Variants in ARHGAP25 observed in about 807,000 individuals in gnomAD.
ARHGAP25 encodes Rho GTPase activating protein 25, also known as rho GTPase-activating protein 25.
ARHGAP25 carries 34 observed loss-of-function variants against 71.0 expected under a neutral mutation model. That is an observed-to-expected ratio of 0.48 (90% CI 0.36 to 0.64). The LOEUF (loss-of-function observed/expected upper bound fraction) is 0.64. ARHGAP25 is among the 30% of genes least tolerant of loss of function. ARHGAP25 has a pLI of 0.00. For synonymous variants in ARHGAP25, 282 were observed against 296.5 expected (o/e 0.95, Z 0.50); for missense variants, 706 against 805.1 (o/e 0.88, Z 1.49).
chr2:68,813,441 G>T (rs371996722), intron 6 of ARHGAP25, 22 bp downstream of exon 6: 2 of 1,608,070 alleles, frequency 1.2e-6, no homozygotes, highest in Non-Finnish European at 8.5e-7. Flanking sequence ...AGAGTTAGTT[G>T]TCCTGCCTTA....
At chr2:68,785,684 A>C (rs572214213) in intron 3 of ARHGAP25, among the ~76,000 whole-genome samples, 1 of 152,316 alleles carries the variant, frequency 6.6e-6, no homozygotes, top group Admixed American at 6.5e-5. Context: ...TTATAGAATA[A>C]GGACTCCCCA....
At position 68,803,868 on chromosome 2, in the gene ARHGAP25, A is replaced by T. The variant is rs866744390; in HGVS notation, c.467-3405A>T. ...ACCTGTTGAGACAGAGAAGGGAGGGAATGGGTGGGGAGCTCAACAGGAGTG... is the reference window on the plus strand; with the variant it reads ...ACCTGTTGAGACAGAGAAGGGAGGGTATGGGTGGGGAGCTCAACAGGAGTG... On this transcript the variant is annotated intron_variant, in intron 4 of 10. Coordinates refer to ENST00000409202, the MANE Select transcript of ARHGAP25 (RefSeq NM_001007231.3). Among the ~76,000 whole-genome samples, 16 of 152,116 alleles carry T rather than the reference A, an allele frequency of 1.1e-4. No individual in the cohort carries two copies. In the South Asian group the frequency reaches 3.3e-3, roughly 32 times the overall value.
rs542142364 is a variant in ARHGAP25, at chr2:68,750,805, G to A, written c.61+15545G>A. Among the ~76,000 whole-genome samples the A allele has an allele frequency of 3.3e-4, 50 of 152,308 alleles. 1 individual carries two copies. The highest frequency in any genetic ancestry group is 1.7e-3 in the Admixed American group (26 of 15,308). ...CACAGAAGAGGGTGGAGGCCGGGCC[G>A]GCCCCAGATCCTGCTCACACAGGGA... On this transcript the variant is annotated intron_variant, in intron 1 of 10. Transcript: ENST00000409202.
At chr2:68,746,425 T>A (rs1436477948) in intron 1 of ARHGAP25, among the ~76,000 whole-genome samples, 1 of 152,152 alleles carries the variant, frequency 6.6e-6, no homozygotes. Flanking sequence ...AGGAGTCTGG[T>A]CAAGCGGACA....
intron 1 of ARHGAP25, among the ~76,000 whole-genome samples, chr2:68,752,648 T>G (rs1428727410): frequency 6.6e-6 from 1 of 152,020 alleles, no homozygotes; most frequent in Non-Finnish European, 1.5e-5. Context: ...CAGTCTGAGG[T>G]TCACAGAGAA....
chr2:68,729,980 A>G (rs1220878998), upstream of ARHGAP25, among the ~76,000 whole-genome samples: 2 of 152,270 alleles, frequency 1.3e-5, no homozygotes, highest in South Asian at 2.1e-4. Context: ...CCAATGCTCA[A>G]TGACACAGGG....
intron 4 of ARHGAP25, among the ~76,000 whole-genome samples, chr2:68,795,931 T>C (rs1287860156): frequency 6.6e-6 from 1 of 152,208 alleles, no homozygotes; most frequent in East Asian, 1.9e-4. Flanking sequence ...GTTTCATGAA[T>C]CTGGATGCTC....
At position 68,822,554 on chromosome 2, in the gene ARHGAP25, C is replaced by T. The variant is rs199776517; in HGVS notation, c.1415C>T (p.Ser472Leu). 19 of 1,614,184 alleles carry T rather than the reference C, an allele frequency of 1.2e-5. No homozygotes were observed. The highest frequency in any genetic ancestry group is 5.0e-5 in the Admixed American group (3 of 60,028). ...KMEIFKNEFW[S>L]PSSEAKAGEG... Reference sequence around the variant, plus strand: ...GAGATCTTTAAAAATGAATTCTGGTCGCCTTCCTCAGAGGCTAAGGCAGGG... The same window carrying T: ...GAGATCTTTAAAAATGAATTCTGGTTGCCTTCCTCAGAGGCTAAGGCAGGG... Residue 472 changes from serine to leucine, a missense_variant, in exon 10 of 11, where the codon TCG becomes TTG. By Grantham distance (145) the Ser-to-Leu change is moderately radical (BLOSUM62 -2). Transcript: ENST00000409202.
At chr2:68,756,196 A>G (rs1180452286) in intron 1 of ARHGAP25, among the ~76,000 whole-genome samples, 2 of 152,246 alleles carry the variant, frequency 1.3e-5, no homozygotes, top group Non-Finnish European at 2.9e-5. Context: ...CTCTACCCCT[A>G]GCCCTGTGGC....
chr2:68,817,285 T>C (rs1010982940), intron 7 of ARHGAP25, among the ~76,000 whole-genome samples: 2 of 152,210 alleles, frequency 1.3e-5, no homozygotes, highest in Admixed American at 6.5e-5. Context: ...AATGGTTCTT[T>C]GAGAGAGTAT....
chr2:68,787,847 G>T lies in ARHGAP25; in HGVS notation c.357G>T (p.Trp119Cys). The change falls in exon 4 of 11, where the codon TGG becomes TGT. Residue 119 changes from tryptophan to cysteine, a missense_variant. By Grantham distance (215) the Trp-to-Cys change is radical. Coordinates refer to ENST00000409202, the MANE Select transcript of ARHGAP25 (RefSeq NM_001007231.3). ...KFVFEIIPAS[W>C]DQNRMGQDSY... ...TGCTAATTCTTCCTCCAGCCTCATG[G>T]GACCAGAATCGCATGGGACAGGACT... 1 of 1,613,970 alleles carries T rather than the reference G, an allele frequency of 6.2e-7. No individual in the cohort carries two copies. The highest frequency in any genetic ancestry group is 8.5e-7 in the Non-Finnish European group (1 of 1,179,882).
At chr2:68,751,896 G>A (rs1480351407) in intron 1 of ARHGAP25, among the ~76,000 whole-genome samples, 4 of 152,226 alleles carry the variant, frequency 2.6e-5, no homozygotes, top group African/African-American at 9.6e-5. Context: ...ATTGCGAGGT[G>A]TAAACTGACG....
intron 3 of ARHGAP25, among the ~76,000 whole-genome samples, chr2:68,784,183 C>G (rs904334167): frequency 1.3e-5 from 2 of 152,022 alleles, no homozygotes; most frequent in Non-Finnish European, 1.5e-5. Context: ...CTTTCTCTCT[C>G]TCTCTCTCAC....
intron 1 of ARHGAP25, among the ~76,000 whole-genome samples, chr2:68,746,711 C>CCA (rs1553395343): frequency 5.6e-5 from 8 of 143,848 alleles, no homozygotes; most frequent in Non-Finnish European, 9.2e-5. Flanking sequence ...CCACCCCCCT[C>CCA]CCCATCCCCA....
intron 4 of ARHGAP25, among the ~76,000 whole-genome samples, chr2:68,805,646 G>A (rs71413164): frequency 1.3e-5 from 2 of 152,136 alleles, no homozygotes; most frequent in African/African-American, 4.8e-5. Context: ...AGAGACTGTA[G>A]CGGTTACAGG....
At chr2:68,714,018 G>A in intron 2 of ARHGAP25, among the ~76,000 whole-genome samples, 1 of 152,174 alleles carries the variant, frequency 6.6e-6, no homozygotes, top group East Asian at 1.9e-4. Context: ...TTAGGGAGGA[G>A]TCCCTCTTTT....
At chr2:68,749,083 T>TAACA (rs1218808270) in intron 1 of ARHGAP25, among the ~76,000 whole-genome samples, 1 of 150,784 alleles carries the variant, frequency 6.6e-6, no homozygotes, top group Non-Finnish European at 1.5e-5. Flanking sequence ...GGGAGAGAGA[T>TAACA]ACCAGCATAC....
At chr2:68,797,219 G>C (rs1048821881) in intron 4 of ARHGAP25, among the ~76,000 whole-genome samples, 3 of 152,294 alleles carry the variant, frequency 2.0e-5, no homozygotes, top group East Asian at 3.9e-4. Flanking sequence ...CCTTGATTAG[G>C]GGGTAGAGGA....
intron 1 of ARHGAP25, among the ~76,000 whole-genome samples, chr2:68,756,743 G>T (rs10179154): frequency 0.69 from 104,232 of 151,928 alleles, 36,131 homozygotes; most frequent in Non-Finnish European, 0.73. Context: ...ATATCCAGTT[G>T]TTAGCAAAAA....
Sources: gnomAD v4.1 joint callset for allele counts (sites outside exome capture counted in the v4.1 genomes callset) on GRCh38, gnomAD v4.1.1 for gene constraint, MANE v1.5 for transcripts, NCBI Gene and HGNC (gene_info 2026-07-23, HGNC 2026-07-21) for gene names.